The following NUP37 variants were observed in gnomAD, a reference collection of about 807,000 sequenced individuals.
NUP37 encodes the protein nucleoporin Nup37.
Under a neutral mutation model 45.4 loss-of-function variants are expected in NUP37, and 33 were observed. The ratio of observed to expected loss-of-function variants is 0.73; its 90% CI spans 0.55 to 0.97. NUP37 has a LOEUF of 0.97. Among genes scored for constraint, NUP37 ranks in the 50% least tolerant of loss-of-function variants. The probability of loss-of-function intolerance (pLI) is 0.00; values close to 1 mark genes in which losing one functional copy is unlikely to be tolerated. For missense variants in NUP37, 365 were observed against 389.7 expected (o/e 0.94, Z 0.53); for synonymous variants, 127 against 130.7 (o/e 0.97, Z 0.19).
At chr12:102,091,837 C>T (rs1000627307) in intron 5 of NUP37, among the ~76,000 whole-genome samples, 1 of 152,142 alleles carries the variant, frequency 6.6e-6, no homozygotes, top group South Asian at 2.1e-4. Flanking sequence ...GGATAGAGAG[C>T]TATTCAGATC....
intron 2 of NUP37, chr12:102,115,742 C>T: frequency 1.4e-6 from 1 of 716,596 alleles, no homozygotes; most frequent in South Asian, 6.4e-5. Flanking sequence ...GTTTTCTAAA[C>T]AGCCTTAAAA....
rs74410524 is a variant in NUP37, at chr12:102,091,646, G to A, written c.450-5790C>T. 3.5e-3 allele frequency among the ~76,000 whole-genome samples: 527 copies of A among 152,200 alleles called. 1 individual carries two copies. Among genetic ancestry groups the A allele is most frequent in the Non-Finnish European group, 6.0e-3 (408 of 67,998 alleles). The stretch of plus-strand genomic sequence containing the variant: ...AAAAGCTTTTATGGGAAAGTTATGT[G>A]CTGACATATTAAGGTGCCAATACAG... On this transcript the variant is annotated intron_variant, in intron 5 of 9. Coordinates refer to ENST00000552283, the MANE Select transcript of NUP37 (RefSeq NM_024057.4).
intron 6 of NUP37, 22 bp downstream of exon 6, chr12:102,085,744 G>C (rs1879450455): frequency 8.7e-7 from 1 of 1,148,968 alleles, no homozygotes; most frequent in Non-Finnish European, 1.3e-6. Flanking sequence ...TTTGATAAGA[G>C]AGTTAAATTA....
At chr12:102,112,952 G>A (rs1880359524) in intron 2 of NUP37, among the ~76,000 whole-genome samples, 1 of 152,042 alleles carries the variant, frequency 6.6e-6, no homozygotes, top group Non-Finnish European at 1.5e-5. Context: ...TTTGATTCTG[G>A]GAATAAATGC....
intron 6 of NUP37, among the ~76,000 whole-genome samples, chr12:102,084,622 T>G (rs1026997555): frequency 5.3e-5 from 8 of 151,870 alleles, no homozygotes; most frequent in African/African-American, 1.9e-4. Context: ...GAAATGAAAC[T>G]TGGGGCCATG....
chr12:102,097,659 A>G (rs1006554026), intron 5 of NUP37, among the ~76,000 whole-genome samples: 2 of 152,066 alleles, frequency 1.3e-5, no homozygotes, highest in Non-Finnish European at 2.9e-5. Context: ...TTGCAAAGAC[A>G]CTCATTTTTC....
At position 102,078,206 on chromosome 12, in the gene NUP37, G is replaced by A. The variant is rs201226758; in HGVS notation, c.541-703C>T. Among the ~76,000 whole-genome samples, 5 of 151,798 alleles carry A rather than the reference G, an allele frequency of 3.3e-5. No homozygotes were observed. The East Asian group carries it at 7.8e-4, about 24-fold the overall frequency. On this transcript the variant is annotated intron_variant, in intron 6 of 9. Coordinates refer to ENST00000552283, the MANE Select transcript of NUP37 (RefSeq NM_024057.4). ...ATTAGCCGGTTGTGGTGGCATGCGC[G>A]TAATCCTAGCTACTCGGGAGGCTGA...
chr12:102,085,102 C>CAACA (rs368115832), intron 6 of NUP37, among the ~76,000 whole-genome samples: 12 of 152,034 alleles, frequency 7.9e-5, no homozygotes, highest in South Asian at 2.1e-4. Context: ...TTAAAACAAA[C>CAACA]AACAAACAAA....
At chr12:102,103,807 T>C (rs551797084) in intron 3 of NUP37, among the ~76,000 whole-genome samples, 2 of 152,210 alleles carry the variant, frequency 1.3e-5, no homozygotes, top group African/African-American at 4.8e-5. Context: ...AGAATGTGAC[T>C]AAATACAACA....
intron 8 of NUP37, 94 bp from the exon 9 acceptor site, chr12:102,075,188 T>C (rs948875269): frequency 3.9e-6 from 3 of 774,752 alleles, no homozygotes; most frequent in African/African-American, 3.6e-5. Flanking sequence ...TTTTCTTTTT[T>C]TTTAAGAGAC....
At chr12:102,089,757 T>A (rs572481077) in intron 5 of NUP37, among the ~76,000 whole-genome samples, 2 of 146,414 alleles carry the variant, frequency 1.4e-5, no homozygotes, top group Non-Finnish European at 3.0e-5. Flanking sequence ...CCAGAGGAGG[T>A]GGCCGGGCAG....
intron 3 of NUP37, among the ~76,000 whole-genome samples, chr12:102,109,872 T>C (rs1157454402): frequency 6.6e-6 from 1 of 152,304 alleles, no homozygotes; most frequent in East Asian, 1.9e-4. Context: ...GGAAGAAGAC[T>C]GTTTCCACAG....
chr12:102,078,066 G>A (rs994626183), intron 6 of NUP37, among the ~76,000 whole-genome samples: 15 of 152,128 alleles, frequency 9.9e-5, no homozygotes, highest in African/African-American at 2.6e-4. Flanking sequence ...GGTGGCTCAC[G>A]CTTGTAATCC....
intron 5 of NUP37, among the ~76,000 whole-genome samples, chr12:102,096,029 T>C (rs536394129): frequency 1.1e-4 from 17 of 152,172 alleles, no homozygotes; most frequent in Non-Finnish European, 2.1e-4. Context: ...TATGTCTTCA[T>C]ATGTAGTTGT....
At chr12:102,116,610 C>T (rs529600660) in intron 2 of NUP37, among the ~76,000 whole-genome samples, 34 of 152,344 alleles carry the variant, frequency 2.2e-4, no homozygotes, top group Admixed American at 1.3e-3. Context: ...TTTCAATTCA[C>T]ACTTCCTCTT....
At chr12:102,081,337 C>T (rs149373520) in intron 6 of NUP37, among the ~76,000 whole-genome samples, 109 of 152,144 alleles carry the variant, frequency 7.2e-4, no homozygotes, top group African/African-American at 2.6e-3. Context: ...GTGATAAGAA[C>T]AGATAGGGTA....
At position 102,075,049 on chromosome 12, in the gene NUP37, A is replaced by C. The variant is rs1324929180; in HGVS notation, c.819T>G (p.Pro273=). The C allele has an allele frequency of 1.9e-6, 3 of 1,610,986 alleles. No individual in the cohort carries two copies. The highest frequency in any genetic ancestry group is 2.5e-6 in the Non-Finnish European group (3 of 1,178,118). The change falls in exon 9 of 10, where the codon CCT becomes CCG. Residue 273 remains proline (P), a synonymous_variant. Transcript: ENST00000552283. ...SENLFATTGY[P]GKMASQFQIH... ...TTTGAAACTGGCTTGCCATTTTGCC[A>C]GGATAACCAGTGGTTGCAAACAGAT...
chr12:102,078,674 G>A (rs1879251863), intron 6 of NUP37, among the ~76,000 whole-genome samples: 1 of 152,164 alleles, frequency 6.6e-6, no homozygotes, highest in Admixed American at 6.5e-5. Context: ...AATGGCTGCA[G>A]GATTGTTGTG....
intron 5 of NUP37, among the ~76,000 whole-genome samples, chr12:102,093,051 A>G (rs1348055865): frequency 1.3e-5 from 2 of 152,130 alleles, no homozygotes; most frequent in Non-Finnish European, 2.9e-5. Flanking sequence ...TCAGAGCAAG[A>G]ATTAAAAGGG....
Sources: gnomAD v4.1 joint callset for allele counts (sites outside exome capture counted in the v4.1 genomes callset) on GRCh38, gnomAD v4.1.1 for gene constraint, MANE v1.5 for transcripts, NCBI Gene and HGNC (gene_info 2026-07-23, HGNC 2026-07-21) for gene names.